CPS1: variants seen among roughly 807,000 people sequenced by gnomAD.
The protein encoded by CPS1 is carbamoyl-phosphate synthase 1.
CPS1 carries 109 observed loss-of-function variants against 174.6 expected under a neutral mutation model. That is an observed-to-expected ratio of 0.62 (90% CI 0.53 to 0.73). The LOEUF (loss-of-function observed/expected upper bound fraction) is 0.73. CPS1 is among the 30% of genes least tolerant of loss of function. The pLI, the probability that CPS1 is intolerant of heterozygous loss-of-function variation, is 0.00. For missense variants in CPS1, 1,689 were observed against 1,821.9 expected (o/e 0.93, Z 1.33); for synonymous variants, 637 against 632.0 (o/e 1.01, Z -0.12).
chr2:210,541,298 A>G (rs1487716561), intron 1 of CPS1, among the ~76,000 whole-genome samples: 1 of 152,194 alleles, frequency 6.6e-6, no homozygotes, highest in African/African-American at 2.4e-5. Flanking sequence ...CTGGCCAATC[A>G]AACTGTCCTC....
rs765027231 is a variant in CPS1 at position 210,648,071 on chromosome 2, C to T, written c.3336+14C>T. The T allele has an allele frequency of 6.2e-7, 1 of 1,612,130 alleles. No individual in the cohort carries two copies. The highest frequency in any genetic ancestry group is 1.3e-5 in the African/African-American group (1 of 74,878). ...GTTAATACTTTGGTAAGGAGAGAAACAAGTATCTGTTTCTAATGTTCTATT... is the reference window on the plus strand; with the variant it reads ...GTTAATACTTTGGTAAGGAGAGAAATAAGTATCTGTTTCTAATGTTCTATT... On this transcript the variant is annotated intron_variant, in intron 26 of 37. Transcript: ENST00000233072.
intron 18 of CPS1, among the ~76,000 whole-genome samples, chr2:210,607,323 T>C (rs1033079703): frequency 1.3e-5 from 2 of 151,960 alleles, no homozygotes; most frequent in African/African-American, 4.8e-5. Context: ...ACAGAAAATA[T>C]AGCTCACTTG....
intron 34 of CPS1, among the ~76,000 whole-genome samples, chr2:210,669,091 C>G (rs1186527512): frequency 6.6e-6 from 1 of 151,994 alleles, no homozygotes; most frequent in Non-Finnish European, 1.5e-5. Flanking sequence ...CATTGGTAAG[C>G]CTTCTAGGTC....
chr2:210,639,103 T>A (rs1700127471), intron 22 of CPS1, 47 bp from the exon 23 acceptor site: 1 of 1,505,820 alleles, frequency 6.6e-7, no homozygotes, highest in East Asian at 2.4e-5. Flanking sequence ...CTTGAAAAAA[T>A]TATAATAACA....
chr2:210,599,294 CA>C lies in CPS1; in HGVS notation c.1360-77del, dbSNP rs560720812. 2.4e-3 allele frequency: 3,209 copies of C among 1,349,002 alleles called. 8 individuals are homozygous for C. The highest frequency in any genetic ancestry group is 5.5e-3 in the Admixed American group (322 of 58,844). 83.6% of individuals were successfully genotyped at this position (1,349,002 alleles called of 1,614,324 possible). A position where few individuals can be genotyped will look rare whatever the true frequency, so the allele number is the denominator to read the frequency against. ...AGATAACCTAAAAGCTTAGTTACCC[CA>C]TGTCTTTTTATTTAAGTGTGGTCAT... On this transcript the variant is annotated intron_variant, in intron 13 of 37. Transcript: ENST00000233072.
Position 210,535,930 on chromosome 2 carries a change from A to G in CPS1, c.4-20789A>G, listed in dbSNP as rs192615772. 1.1e-3 allele frequency among the ~76,000 whole-genome samples: 172 copies of G among 151,052 alleles called. 1 individual carries two copies. Among genetic ancestry groups the G allele is most frequent in the Non-Finnish European group, 2.2e-4 (15 of 67,864 alleles). On this transcript the variant is annotated intron_variant, in intron 1 of 38. Transcript: ENST00000430249. ...AAGTCAGATTGCTGCCCACCTACAG[A>G]CCATCTAAAGTAGGTGCCAACTGTG... is the stretch of plus-strand genomic sequence containing the variant.
At chr2:210,570,819 C>T (rs1258060293) in intron 1 of CPS1, among the ~76,000 whole-genome samples, 4 of 151,820 alleles carry the variant, frequency 2.6e-5, no homozygotes, top group Admixed American at 2.6e-4. Context: ...AGAGGTTTCA[C>T]CTAATAAAAC....
At chr2:210,495,279 T>C (rs906420604) in intron 1 of CPS1, among the ~76,000 whole-genome samples, 6 of 152,270 alleles carry the variant, frequency 3.9e-5, no homozygotes, top group African/African-American at 1.2e-4. Context: ...AAAGTTACCA[T>C]TGGATGTCCC....
At chr2:210,667,526 A>G (rs1366031592) in intron 33 of CPS1, among the ~76,000 whole-genome samples, 1 of 152,138 alleles carries the variant, frequency 6.6e-6, no homozygotes, top group South Asian at 2.1e-4. Flanking sequence ...ACATTACTAT[A>G]TATGTTAGTT....
upstream of CPS1, among the ~76,000 whole-genome samples, chr2:210,554,882 G>C (rs1342560761): frequency 6.7e-6 from 1 of 149,082 alleles, no homozygotes; most frequent in African/African-American, 2.5e-5. Flanking sequence ...AAGACAAGAG[G>C]TGAGATCAAG....
rs1297920894 is a variant in CPS1, at chr2:210,482,017, A to G, written c.3+4251A>G. 3.3e-5 allele frequency among the ~76,000 whole-genome samples: 5 copies of G among 152,136 alleles called. No individual in the cohort carries two copies. In the East Asian group the frequency reaches 9.7e-4, roughly 29 times the overall value. On this transcript the variant is annotated intron_variant, in intron 1 of 38. Coordinates refer to the CPS1 transcript ENST00000430249. ...CTGGCTTCTTATACATCATCACAAC[A>G]CCTGGGCTGAGCCTCAAAGCCTGGG...
intron 21 of CPS1, among the ~76,000 whole-genome samples, chr2:210,630,701 G>A (rs1327592740): frequency 1.3e-5 from 2 of 152,108 alleles, no homozygotes; most frequent in Non-Finnish European, 2.9e-5. Flanking sequence ...AATTGCCTGG[G>A]TTTTTATACT....
chr2:210,636,584 G>A (rs1474738143), intron 21 of CPS1, among the ~76,000 whole-genome samples: 10 of 152,004 alleles, frequency 6.6e-5, no homozygotes, highest in Admixed American at 3.3e-4. Flanking sequence ...AATCCAGCAG[G>A]AAAAAGCCTG....
intron 21 of CPS1, among the ~76,000 whole-genome samples, chr2:210,625,323 C>G (rs1239506361): frequency 6.6e-6 from 1 of 151,954 alleles, no homozygotes; most frequent in Admixed American, 6.6e-5. Context: ...ATAACCTATA[C>G]AAAGAGCTAT....
At position 210,491,307 on chromosome 2, in the gene CPS1, GTTTTTTTTTTT is replaced by G. The variant is rs66825517; in HGVS notation, c.3+13562_3+13572del. On this transcript the variant is annotated intron_variant, in intron 1 of 38. Transcript: ENST00000430249. ...GTAAAAGCATGTATTTGGTATCTGT[GTTTTTTTTTTT>G]TTTTTTTTTTTTTTTTTTTTGAGAC... is the stretch of plus-strand genomic sequence containing the variant. 4.3e-3 allele frequency among the ~76,000 whole-genome samples: 216 copies of G among 50,364 alleles called. 3 individuals carry two copies. Among genetic ancestry groups the G allele is most frequent in the Admixed American group, 7.3e-3 (26 of 3,562 alleles). The allele number at this position is 50,364 out of a possible 152,430, so 33.0% of individuals were successfully genotyped here. A position where few individuals can be genotyped will look rare whatever the true frequency, so the allele number is the denominator to read the frequency against.
chr2:210,581,095 G>T lies in CPS1; in HGVS notation c.528+1325G>T, dbSNP rs553109650. On this transcript the variant is annotated intron_variant, in intron 5 of 37. Transcript: ENST00000233072. ...TTATTCACTCTACCACGATTTTCCT[G>T]AGAATAGGTGTTAGTGAAATTATAT... 3.3e-5 allele frequency among the ~76,000 whole-genome samples: 5 copies of T among 152,190 alleles called. No individual in the cohort carries two copies. In the South Asian group the frequency reaches 1.0e-3, roughly 32 times the overall value.
chr2:210,523,350 C>A (rs113623448), intron 1 of CPS1, among the ~76,000 whole-genome samples: 1 of 152,096 alleles, frequency 6.6e-6, no homozygotes, highest in Non-Finnish European at 1.5e-5. Flanking sequence ...GTGGCATTTG[C>A]ACACTTTATT....
At chr2:210,549,908 C>T (rs551805099) in intron 1 of CPS1, among the ~76,000 whole-genome samples, 1 of 152,022 alleles carries the variant, frequency 6.6e-6, no homozygotes, top group South Asian at 2.1e-4. Flanking sequence ...GATTTCTGAA[C>T]AATCATAAAC....
chr2:210,516,611 C>T (rs1509821), intron 1 of CPS1, among the ~76,000 whole-genome samples: 10,869 of 151,956 alleles, frequency 0.072, 548 homozygotes, highest in Non-Finnish European at 0.1. Flanking sequence ...GCCTTTAGGA[C>T]GAAACTAAAC....
Sources: gnomAD v4.1 joint callset for allele counts (sites outside exome capture counted in the v4.1 genomes callset) on GRCh38, gnomAD v4.1.1 for gene constraint, MANE v1.5 for transcripts, NCBI Gene and HGNC (gene_info 2026-07-23, HGNC 2026-07-21) for gene names.